Variants in COL23A1 observed in about 807,000 individuals in gnomAD.
COL23A1 encodes the protein collagen type XXIII alpha 1 chain.
Under a neutral mutation model 99.3 loss-of-function variants are expected in COL23A1, and 97 were observed. The observed-to-expected ratio is 0.98, with a 90% CI of 0.83 to 1.16. The LOEUF (loss-of-function observed/expected upper bound fraction) is 1.16, where lower values mean the gene tolerates loss of function less well. COL23A1 is among the 50% of genes most tolerant of loss of function. The probability of loss-of-function intolerance (pLI) is 0.00; values close to 1 mark genes in which losing one functional copy is unlikely to be tolerated. For synonymous variants in COL23A1, 320 were observed against 308.2 expected (o/e 1.04, Z -0.40); for missense variants, 762 against 757.4 (o/e 1.01, Z -0.07).
At chr5:178,334,741 G>A (rs1450770405) in intron 2 of COL23A1, among the ~76,000 whole-genome samples, 1 of 152,222 alleles carries the variant, frequency 6.6e-6, no homozygotes, top group Admixed American at 6.5e-5. Flanking sequence ...CGAACCAAGG[G>A]ACTGGTGTAG....
chr5:178,448,457 G>A (rs1452721925), intron 2 of COL23A1, among the ~76,000 whole-genome samples: 1 of 152,104 alleles, frequency 6.6e-6, no homozygotes, highest in Admixed American at 6.5e-5. Flanking sequence ...GTTTTGTTCT[G>A]CCATAACAGA....
At chr5:178,523,872 C>A (rs1239786481) in intron 2 of COL23A1, among the ~76,000 whole-genome samples, 1 of 152,200 alleles carries the variant, frequency 6.6e-6, no homozygotes, top group Non-Finnish European at 1.5e-5. Context: ...CGGGGAGAGG[C>A]AAGTTACACT....
intron 2 of COL23A1, among the ~76,000 whole-genome samples, chr5:178,369,250 C>A (rs17081150): frequency 0.032 from 4,833 of 152,124 alleles, 232 homozygotes; most frequent in African/African-American, 0.098. Context: ...ACACCTTGAC[C>A]CCTGGAGAGA....
chr5:178,249,718 T>TCA (rs1264297615), intron 18 of COL23A1, among the ~76,000 whole-genome samples: 29 of 49,990 alleles, frequency 5.8e-4, no homozygotes, highest in South Asian at 2.9e-3. Flanking sequence ...ACACACACAC[T>TCA]CTCTCTCTCT....
chr5:178,256,279 G>A (rs554417690), intron 15 of COL23A1, 74 bp downstream of exon 15: 2 of 1,118,838 alleles, frequency 1.8e-6, no homozygotes, highest in East Asian at 2.7e-5. Context: ...GGTCTCTGTG[G>A]GGACAGGGGC....
intron 25 of COL23A1, among the ~76,000 whole-genome samples, chr5:178,243,672 G>A (rs977503145): frequency 2.0e-5 from 3 of 152,114 alleles, no homozygotes; most frequent in African/African-American, 4.8e-5. Flanking sequence ...GGGGTCAAGG[G>A]GAGTTTCTCA....
chr5:178,523,197 T>TAGAGAGAGAGAGAGAG (rs1416631747), intron 2 of COL23A1, among the ~76,000 whole-genome samples: 1 of 73,742 alleles, frequency 1.4e-5, no homozygotes, highest in Non-Finnish European at 2.9e-5. Flanking sequence ...TATATATATA[T>TAGAGAGAGAGAGAGAG]ATATAGAGAG....
chr5:178,568,588 T>C (rs1019308524), intron 1 of COL23A1, among the ~76,000 whole-genome samples: 9 of 152,208 alleles, frequency 5.9e-5, no homozygotes, highest in African/African-American at 1.9e-4. Context: ...TCCTGTATCC[T>C]TTCCTCCCTA....
intron 2 of COL23A1, among the ~76,000 whole-genome samples, chr5:178,400,535 G>A (rs758439470): frequency 9.2e-5 from 14 of 151,986 alleles, no homozygotes; most frequent in Non-Finnish European, 1.5e-4. Flanking sequence ...TAAAAATTGT[G>A]GTAAGATAGA....
intron 2 of COL23A1, among the ~76,000 whole-genome samples, chr5:178,397,011 A>G (rs922633413): frequency 6.6e-6 from 1 of 152,184 alleles, no homozygotes; most frequent in Non-Finnish European, 1.5e-5. Flanking sequence ...GATGGGAGTC[A>G]GACCATCAGC....
At chr5:178,567,190 C>T (rs1056574887) in intron 1 of COL23A1, among the ~76,000 whole-genome samples, 2 of 152,218 alleles carry the variant, frequency 1.3e-5, no homozygotes, top group African/African-American at 2.4e-5. Flanking sequence ...CATGTTTCTA[C>T]ACCTCCCTCT....
At chr5:178,565,122 A>C (rs935349522) in intron 1 of COL23A1, among the ~76,000 whole-genome samples, 1 of 151,690 alleles carries the variant, frequency 6.6e-6, no homozygotes. Context: ...AAATGTCTAC[A>C]TTGACGTAGA....
chr5:178,352,680 G>A (rs189631684), intron 2 of COL23A1, among the ~76,000 whole-genome samples: 3 of 152,320 alleles, frequency 2.0e-5, no homozygotes, highest in African/African-American at 4.8e-5. Context: ...GACAATGTAG[G>A]CTAAAAACTC....
intron 2 of COL23A1, among the ~76,000 whole-genome samples, chr5:178,327,579 G>T (rs2973689): frequency 0.71 from 108,326 of 152,018 alleles, 39,222 homozygotes; most frequent in Non-Finnish European, 0.78. Context: ...CTGGGGGGCC[G>T]GTGTTGCCAG....
intron 1 of COL23A1, among the ~76,000 whole-genome samples, chr5:178,578,431 C>T (rs1763503706): frequency 1.3e-5 from 2 of 152,182 alleles, no homozygotes; most frequent in African/African-American, 4.8e-5. Flanking sequence ...GTAATATAAC[C>T]GCCCAAGCCC....
chr5:178,318,902 C>A (rs1346430297), intron 2 of COL23A1, among the ~76,000 whole-genome samples: 35 of 137,006 alleles, frequency 2.6e-4, no homozygotes, highest in Admixed American at 3.6e-4. Flanking sequence ...ACTTCATCTC[C>A]AAAAAAAAAA....
At chr5:178,469,861 C>T (rs1349630012) in intron 2 of COL23A1, among the ~76,000 whole-genome samples, 1 of 152,162 alleles carries the variant, frequency 6.6e-6, no homozygotes, top group African/African-American at 2.4e-5. Context: ...ACCACTCATC[C>T]CCTGTGCAGA....
intron 5 of COL23A1, among the ~76,000 whole-genome samples, chr5:178,272,751 C>T (rs985990815): frequency 6.6e-6 from 1 of 151,986 alleles, no homozygotes; most frequent in East Asian, 1.9e-4. Context: ...TGTCCCCCTA[C>T]CCCCCGACCC....
chr5:178,543,161 G>A (rs915696147), intron 2 of COL23A1, among the ~76,000 whole-genome samples: 32 of 151,722 alleles, frequency 2.1e-4, no homozygotes, highest in African/African-American at 7.5e-4. Flanking sequence ...AGGCTGGAGT[G>A]CAATGGCGCG....
Sources: gnomAD v4.1 joint callset for allele counts (sites outside exome capture counted in the v4.1 genomes callset) on GRCh38, gnomAD v4.1.1 for gene constraint, MANE v1.5 for transcripts, NCBI Gene and HGNC (gene_info 2026-07-23, HGNC 2026-07-21) for gene names.